The following NDUFA10 variants were observed in gnomAD, a reference collection of about 807,000 sequenced individuals.
The protein encoded by NDUFA10 is NADH dehydrogenase [ubiquinone] 1 alpha subcomplex subunit 10, mitochondrial.
NDUFA10 carries 40 observed loss-of-function variants against 47.8 expected under a neutral mutation model. The ratio of observed to expected loss-of-function variants is 0.84; its 90% CI spans 0.65 to 1.09. The LOEUF (loss-of-function observed/expected upper bound fraction) is 1.09. Among genes scored for constraint, NDUFA10 ranks in the 50% least tolerant of loss-of-function variants. NDUFA10 has a pLI of 0.00. For synonymous variants in NDUFA10, 183 were observed against 172.2 expected (o/e 1.06, Z -0.49); for missense variants, 413 against 451.1 (o/e 0.92, Z 0.76).
At chr2:239,952,301 A>AG (rs976887158) in intron 4 of NDUFA10, among the ~76,000 whole-genome samples, 1 of 81,670 alleles carries the variant, frequency 1.2e-5, no homozygotes, top group African/African-American at 4.8e-5. Flanking sequence ...CAGAGTGGGG[A>AG]GGGGGGCCCA....
At chr2:239,978,565 C>A (rs1695627755) in intron 9 of NDUFA10, among the ~76,000 whole-genome samples, 1 of 152,234 alleles carries the variant, frequency 6.6e-6, no homozygotes, top group Admixed American at 6.5e-5. Flanking sequence ...CCAGCCTACA[C>A]AGGACACCAA....
intron 4 of NDUFA10, among the ~76,000 whole-genome samples, chr2:239,952,001 G>A (rs1694562655): frequency 6.6e-6 from 1 of 152,250 alleles, no homozygotes; most frequent in Non-Finnish European, 1.5e-5. Flanking sequence ...GCTGTGGCAT[G>A]GGTCCTGGGG....
chr2:239,909,637 A>G (rs2106470311), intron 4 of NDUFA10, among the ~76,000 whole-genome samples: 1 of 152,318 alleles, frequency 6.6e-6, no homozygotes, highest in East Asian at 1.9e-4. Flanking sequence ...AACAAAACAA[A>G]AAAACCCTAG....
intron 8 of NDUFA10, among the ~76,000 whole-genome samples, chr2:239,994,027 G>A (rs1003701203): frequency 1.3e-5 from 2 of 152,130 alleles, no homozygotes; most frequent in Non-Finnish European, 2.9e-5. Context: ...GAGCTCTCGA[G>A]TCATGGTCTC....
chr2:239,911,670 A>AGTGTGTGTGTGTGT (rs146389087), intron 4 of NDUFA10, among the ~76,000 whole-genome samples: 6,076 of 146,528 alleles, frequency 0.041, 193 homozygotes, highest in African/African-American at 0.073. Flanking sequence ...AACATGAGAG[A>AGTGTGTGTGTGTGT]GTGTGTGTGC....
intron 4 of NDUFA10, among the ~76,000 whole-genome samples, chr2:239,944,338 G>A (rs982773464): frequency 5.9e-5 from 9 of 152,210 alleles, no homozygotes; most frequent in Admixed American, 6.5e-5. Flanking sequence ...CCAGCCTGGC[G>A]TCCCCCATGC....
chr2:239,895,966 C>T (rs1490260371), intron 4 of NDUFA10, among the ~76,000 whole-genome samples: 2 of 151,990 alleles, frequency 1.3e-5, no homozygotes, highest in Admixed American at 1.3e-4. Flanking sequence ...GGCTAATACA[C>T]GAAAGTAGAA....
At chr2:240,000,590 T>G (rs1574869749) in intron 8 of NDUFA10, among the ~76,000 whole-genome samples, 1 of 152,180 alleles carries the variant, frequency 6.6e-6, no homozygotes, top group South Asian at 2.1e-4. Flanking sequence ...GTTTACAAAG[T>G]CTACCACAGT....
intron 4 of NDUFA10, among the ~76,000 whole-genome samples, chr2:239,930,247 CT>C (rs1280004638): frequency 1.6e-4 from 22 of 134,254 alleles, no homozygotes; most frequent in Non-Finnish European, 3.1e-4. Context: ...TCCACCGCCC[CT>C]AGTCCTCCGC....
intron 4 of NDUFA10, among the ~76,000 whole-genome samples, chr2:239,911,837 G>A (rs1361674903): frequency 6.6e-6 from 1 of 151,790 alleles, no homozygotes; most frequent in Non-Finnish European, 1.5e-5. Context: ...GCAGTTTCAG[G>A]CCAGATTCCC....
chr2:240,019,585 G>A lies in NDUFA10; in HGVS notation c.461-946C>T, dbSNP rs1471460545. ...TGTAATCCCAGCACTTTGGGAGGCC[G>A]AGGCGGGCGGATCACGAGGTCAGGA... On this transcript the variant is annotated intron_variant, in intron 3 of 9. Coordinates refer to ENST00000252711, the MANE Select transcript of NDUFA10 (RefSeq NM_004544.4). 1.4e-4 allele frequency among the ~76,000 whole-genome samples: 14 copies of A among 97,112 alleles called. 4 individuals are homozygous for A. Among genetic ancestry groups the A allele is most frequent in the Admixed American group, 5.4e-4 (5 of 9,250 alleles). 63.7% of individuals were successfully genotyped at this position (97,112 alleles called of 152,430 possible).
intron 9 of NDUFA10, among the ~76,000 whole-genome samples, chr2:239,967,921 C>T (rs1695141930): frequency 6.6e-6 from 1 of 151,308 alleles, no homozygotes; most frequent in African/African-American, 2.4e-5. Context: ...TTAGACATGC[C>T]CTATATAGTG....
intron 4 of NDUFA10, among the ~76,000 whole-genome samples, chr2:239,920,508 C>T (rs926309761): frequency 2.0e-5 from 3 of 152,332 alleles, no homozygotes; most frequent in Non-Finnish European, 2.9e-5. Flanking sequence ...GGGCTGGAGC[C>T]GCAGACTATT....
chr2:239,911,825 C>T (rs1693761289), intron 4 of NDUFA10, among the ~76,000 whole-genome samples: 1 of 151,888 alleles, frequency 6.6e-6, no homozygotes, highest in African/African-American at 2.4e-5. Flanking sequence ...CCTCGGTGAC[C>T]AGCAGTTTCA....
chr2:239,927,259 G>A (rs1018031874), intron 4 of NDUFA10, among the ~76,000 whole-genome samples: 1 of 152,060 alleles, frequency 6.6e-6, no homozygotes, highest in Admixed American at 6.6e-5. Context: ...AGGATATGAA[G>A]AAAGAATATA....
At chr2:239,905,973 A>G (rs55892871) in intron 4 of NDUFA10, among the ~76,000 whole-genome samples, 85,946 of 151,466 alleles carry the variant, frequency 0.57, 24,860 homozygotes, top group African/African-American at 0.67. Flanking sequence ...CGCAGCCCCC[A>G]TCCTGTCCCA....
chr2:239,982,688 G>T (rs1415668092), intron 9 of NDUFA10, among the ~76,000 whole-genome samples: 2 of 152,196 alleles, frequency 1.3e-5, no homozygotes, highest in Non-Finnish European at 2.9e-5. Flanking sequence ...ACAGAAATGA[G>T]ATGAAGGCAA....
intron 9 of NDUFA10, 136 bp from the exon 10 acceptor site, chr2:239,961,322 G>A: frequency 2.0e-6 from 3 of 1,528,298 alleles, no homozygotes; most frequent in Non-Finnish European, 2.7e-6. Flanking sequence ...CATGATCTGT[G>A]GCAGGTGTCT....
chr2:240,025,164 TCCCC>T, intron 1 of NDUFA10, 59 bp downstream of exon 1: 1 of 594,902 alleles, frequency 1.7e-6, no homozygotes, highest in Non-Finnish European at 2.7e-6. Context: ...GTGGAACTGC[TCCCC>T]ACCCCGCCAC....
Sources: allele counts gnomAD v4.1 joint callset (sites outside exome capture counted in the v4.1 genomes callset), GRCh38; gene constraint gnomAD v4.1.1; transcripts MANE v1.5; gene names NCBI Gene and HGNC (gene_info 2026-07-23, HGNC 2026-07-21).